Variants in SGPP1 observed in about 807,000 individuals in gnomAD.
SGPP1 encodes the protein sphingosine-1-phosphate phosphatase 1, also known as hSPP1.
A neutral mutation model predicts 33.0 loss-of-function variants in SGPP1; 21 were observed. That is an observed-to-expected ratio of 0.64 (90% CI 0.45 to 0.92). The LOEUF is 0.92. Among genes scored for constraint, SGPP1 ranks in the 40% least tolerant of loss-of-function variants. SGPP1 has a pLI of 0.00. For missense variants in SGPP1, 543 were observed against 589.4 expected, an observed-to-expected ratio of 0.92 and a Z score of 0.81; for synonymous variants, 239 against 241.2, an observed-to-expected ratio of 0.99 and a Z score of 0.08.
intron 1 of SGPP1, among the ~76,000 whole-genome samples, chr14:63,708,315 G>C (rs886213810): frequency 7.6e-6 from 1 of 131,572 alleles, no homozygotes; most frequent in African/African-American, 3.0e-5. Context: ...GGAGTGCAAT[G>C]CCCCATCTCG....
At position 63,698,725 on chromosome 14, in the gene SGPP1, A is replaced by G. The variant is rs1277923674; in HGVS notation, c.685-67T>C. 1.5e-5 allele frequency: 13 copies of G among 890,488 alleles called. No homozygotes were observed. In the African/African-American group the frequency reaches 2.1e-4, roughly 14 times the overall value. The allele number at this position is 890,488 out of a possible 1,614,324, so 55.2% of individuals were successfully genotyped here. A position where few individuals can be genotyped will look rare whatever the true frequency, so the allele number is the denominator to read the frequency against. Reference sequence around the variant, plus strand: ...TTAGATATAAACAAACAAATAAAAGACAAATCAAATCACTATTCTATAAAG... The same window carrying G: ...TTAGATATAAACAAACAAATAAAAGGCAAATCAAATCACTATTCTATAAAG... On this transcript the variant is annotated intron_variant, in intron 1 of 2. Coordinates refer to ENST00000247225, the MANE Select transcript of SGPP1 (RefSeq NM_030791.4).
In SGPP1 at chr14:63,685,129, G is replaced by A. The variant is rs2139621015; in HGVS notation, c.*976C>T. Reference sequence around the variant, plus strand: ...GCACAGAAAAATATCTACAAAAAGGGAAGTATTTATCCATTTAGCTTTCTA... The same window carrying A: ...GCACAGAAAAATATCTACAAAAAGGAAAGTATTTATCCATTTAGCTTTCTA... On this transcript the variant is annotated 3_prime_UTR_variant, in exon 3 of 3. Transcript: ENST00000247225. 1 of 152,174 alleles carries A rather than the reference G, an allele frequency of 6.6e-6. No homozygotes were observed. The highest frequency in any genetic ancestry group is 1.9e-4 in the East Asian group (1 of 5,194). 9.4% of individuals were successfully genotyped at this position (152,174 alleles called of 1,614,324 possible).
At chr14:63,712,917 CAAAAA>C (rs56797705) in intron 1 of SGPP1, among the ~76,000 whole-genome samples, 18 of 63,784 alleles carry the variant, frequency 2.8e-4, no homozygotes, top group African/African-American at 8.2e-4. Context: ...AACTCTGTCT[CAAAAA>C]AAAAAAAAAA....
intron 1 of SGPP1, among the ~76,000 whole-genome samples, chr14:63,719,890 G>A (rs867476945): frequency 1.0e-4 from 15 of 150,636 alleles, no homozygotes; most frequent in African/African-American, 2.7e-4. Flanking sequence ...AGAGGCGGGC[G>A]GATCACCAAA....
chr14:63,723,384 G>T (rs760622134), intron 1 of SGPP1, among the ~76,000 whole-genome samples: 1 of 152,024 alleles, frequency 6.6e-6, no homozygotes. Flanking sequence ...TAATTACTTG[G>T]AGCTATACTA....
chr14:63,703,797 T>C (rs1885349401), intron 1 of SGPP1, among the ~76,000 whole-genome samples: 1 of 147,764 alleles, frequency 6.8e-6, no homozygotes, highest in Non-Finnish European at 1.5e-5. Flanking sequence ...AATCCCTATT[T>C]AAGTTTTTTT....
chr14:63,701,664 A>G (rs1436024158), intron 1 of SGPP1, among the ~76,000 whole-genome samples: 1 of 152,122 alleles, frequency 6.6e-6, no homozygotes, highest in East Asian at 1.9e-4. Flanking sequence ...CAGATCAAGT[A>G]GAGCCTGGGA....
intron 1 of SGPP1, among the ~76,000 whole-genome samples, chr14:63,709,135 G>A (rs187539193): frequency 2.1e-3 from 320 of 152,246 alleles, no homozygotes; most frequent in African/African-American, 7.3e-3. Context: ...AGTACTTTGG[G>A]AGGCCAAGGT....
chr14:63,688,725 CTTTTTTTTT>C (rs1051862998), intron 2 of SGPP1, among the ~76,000 whole-genome samples: 1 of 115,944 alleles, frequency 8.6e-6, no homozygotes, highest in Non-Finnish European at 1.7e-5. Flanking sequence ...TTTTTTTTTT[CTTTTTTTTT>C]TTTTTGAGAT....
chr14:63,727,134 A>G, intron 1 of SGPP1, 127 bp downstream of exon 1: 1 of 1,395,536 alleles, frequency 7.2e-7, no homozygotes, highest in Non-Finnish European at 9.3e-7. Flanking sequence ...GTTTGCGAGT[A>G]TTGTGAAAAC....
At chr14:63,705,605 T>C (rs956366037) in intron 1 of SGPP1, among the ~76,000 whole-genome samples, 2 of 151,942 alleles carry the variant, frequency 1.3e-5, no homozygotes, top group South Asian at 4.2e-4. Flanking sequence ...GAGGTAAAGG[T>C]TCCCACGAGC....
At chr14:63,704,024 G>A (rs1346859123) in intron 1 of SGPP1, among the ~76,000 whole-genome samples, 5 of 151,622 alleles carry the variant, frequency 3.3e-5, no homozygotes, top group Admixed American at 2.0e-4. Flanking sequence ...TGGGGGTCTC[G>A]CTATGTTGCC....
chr14:63,701,351 A>G (rs1441448994), intron 1 of SGPP1, among the ~76,000 whole-genome samples: 1 of 152,166 alleles, frequency 6.6e-6, no homozygotes. Context: ...CACAGTATCA[A>G]CAAGTCTAAC....
chr14:63,687,631 G>A (rs1382701270), intron 2 of SGPP1, among the ~76,000 whole-genome samples: 1 of 152,188 alleles, frequency 6.6e-6, no homozygotes, highest in Non-Finnish European at 1.5e-5. Flanking sequence ...TAGAGGCAGA[G>A]GAAATGTGTA....
intron 2 of SGPP1, among the ~76,000 whole-genome samples, chr14:63,694,493 A>G (rs1016395029): frequency 2.6e-5 from 4 of 152,154 alleles, no homozygotes; most frequent in African/African-American, 9.7e-5. Flanking sequence ...AAAAAAACAA[A>G]ACAAAACTTA....
Position 63,728,035 on chromosome 14 carries a change from G to A in SGPP1, c.-91C>T. 7.4e-7 allele frequency: 1 copy of A among 1,351,568 alleles called. No homozygotes were observed. Among genetic ancestry groups the A allele is most frequent in the Non-Finnish European group, 9.6e-7 (1 of 1,044,522 alleles). The allele number at this position is 1,351,568 out of a possible 1,614,324, so 83.7% of individuals were successfully genotyped here. A position where few individuals can be genotyped will look rare whatever the true frequency, so the allele number is the denominator to read the frequency against. Reference sequence around the variant, plus strand: ...GGCCAGCGGCAGCGGAACCGGCACAGCGCTCTACCCTCCGGAGTCTGCCGG... The same window carrying A: ...GGCCAGCGGCAGCGGAACCGGCACAACGCTCTACCCTCCGGAGTCTGCCGG... On this transcript the variant is annotated 5_prime_UTR_variant, in exon 1 of 3. Coordinates refer to ENST00000247225, the MANE Select transcript of SGPP1 (RefSeq NM_030791.4).
At chr14:63,715,604 C>T (rs1056772504) in intron 1 of SGPP1, among the ~76,000 whole-genome samples, 1 of 152,014 alleles carries the variant, frequency 6.6e-6, no homozygotes, top group Non-Finnish European at 1.5e-5. Flanking sequence ...GGCTGTAGCA[C>T]AGGAGGAAGA....
At chr14:63,688,911 CGGGGTTTCACCGTGTTAGCCAGGAT>C (rs1459203543) in intron 2 of SGPP1, among the ~76,000 whole-genome samples, 1 of 151,790 alleles carries the variant, frequency 6.6e-6, no homozygotes, top group Non-Finnish European at 1.5e-5. Context: ...TTAGTAGAGA[CGGGGTTTCACCGTGTTAGCCAGGAT>C]GGTCTCTATC....
chr14:63,705,037 G>A (rs1885377731), intron 1 of SGPP1, among the ~76,000 whole-genome samples: 1 of 151,846 alleles, frequency 6.6e-6, no homozygotes, highest in African/African-American at 2.4e-5. Flanking sequence ...TGAGGTGGGA[G>A]ACTCGCTTGA....
Sources: gnomAD v4.1 joint callset for allele counts (sites outside exome capture counted in the v4.1 genomes callset) on GRCh38, gnomAD v4.1.1 for gene constraint, MANE v1.5 for transcripts, NCBI Gene and HGNC (gene_info 2026-07-23, HGNC 2026-07-21) for gene names.